Variants in DYSF observed in about 807,000 individuals in gnomAD.
DYSF encodes dystrophy-associated fer-1-like 1.
Under a neutral mutation model 274.9 loss-of-function variants are expected in DYSF, and 212 were observed. That is an observed-to-expected ratio of 0.77 (90% confidence interval 0.69 to 0.86). The LOEUF is 0.86. Ranked by LOEUF, DYSF falls within the 40% of genes least tolerant of loss-of-function variation. DYSF has a pLI of 0.00. For synonymous variants in DYSF, 1,091 were observed against 1,078.7 expected (o/e 1.01, Z -0.22); for missense variants, 2,666 against 2,783.2 (o/e 0.96, Z 0.95).
chr2:71,665,052 A>T (rs2094970090), intron 46 of DYSF, 110 bp from the exon 47 acceptor site: 1 of 1,563,736 alleles, frequency 6.4e-7, no homozygotes, highest in African/African-American at 1.4e-5. Flanking sequence ...CCACTGTAAA[A>T]GCAAGGAGTG....
chr2:71,519,039 G>C (rs2086947198), intron 10 of DYSF, among the ~76,000 whole-genome samples: 1 of 127,808 alleles, frequency 7.8e-6, no homozygotes, highest in African/African-American at 3.0e-5. Flanking sequence ...GTTGCAGTGA[G>C]CCAAGATCGC....
chr2:71,590,201 C>G lies in DYSF; in HGVS notation c.3497-10C>G, dbSNP rs1399992374. ...TCACTCTGGCACCTCTGTTTTTTCC[C>G]TTGGTGAAGATGGGAACCGCTACCA... On this transcript the variant is annotated splice_polypyrimidine_tract_variant and intron_variant, in intron 31 of 55. Coordinates refer to ENST00000410020, the MANE Select transcript of DYSF (RefSeq NM_001130987.2). 1.9e-6 allele frequency: 3 copies of G among 1,614,080 alleles called. No individual in the cohort carries two copies. In the East Asian group the frequency reaches 6.7e-5, roughly 36 times the overall value.
At chr2:71,644,332 T>C (rs1026609001) in intron 42 of DYSF, among the ~76,000 whole-genome samples, 1 of 152,174 alleles carries the variant, frequency 6.6e-6, no homozygotes, top group African/African-American at 2.4e-5. Flanking sequence ...TGATCTGTGT[T>C]AACGTGCCCC....
chr2:71,636,389 A>G (rs145877009), intron 41 of DYSF, among the ~76,000 whole-genome samples: 141 of 152,194 alleles, frequency 9.3e-4, no homozygotes, highest in African/African-American at 3.3e-3. Context: ...GGCGGTAGTG[A>G]CAGAGTGGTC....
intron 17 of DYSF, among the ~76,000 whole-genome samples, chr2:71,541,531 G>C (rs976255411): frequency 6.6e-6 from 1 of 151,574 alleles, no homozygotes; most frequent in Non-Finnish European, 1.5e-5. Flanking sequence ...TGATTAGCTG[G>C]TTAGAAGTTT....
intron 24 of DYSF, among the ~76,000 whole-genome samples, chr2:71,565,266 A>ATTTTTTTTTTTTTTTTTTTTTT (rs1236133814): frequency 6.2e-5 from 7 of 113,808 alleles, no homozygotes; most frequent in African/African-American, 2.5e-4. Context: ...TTTTTTTTTA[A>ATTTTTTTTTTTTTTTTTTTTTT]TTTTAGTGGA....
chr2:71,572,559 G>C (rs1574086484), intron 29 of DYSF, among the ~76,000 whole-genome samples: 2 of 152,264 alleles, frequency 1.3e-5, no homozygotes, highest in East Asian at 3.8e-4. Context: ...TCGGGAGTGT[G>C]AGGAGCAAGG....
At chr2:71,607,116 A>C (rs1328407168) in intron 36 of DYSF, among the ~76,000 whole-genome samples, 1 of 152,244 alleles carries the variant, frequency 6.6e-6, no homozygotes, top group Non-Finnish European at 1.5e-5. Flanking sequence ...TATGGGAATA[A>C]GTGTAAGTTG....
intron 48 of DYSF, 79 bp from the exon 49 acceptor site, chr2:71,668,675 G>A (rs1645726392): frequency 1.4e-6 from 2 of 1,386,292 alleles, no homozygotes; most frequent in Non-Finnish European, 2.0e-6. Flanking sequence ...TGTGCCCTCA[G>A]CATCTGGCCC....
At chr2:71,520,046 C>G in intron 10 of DYSF, 132 bp from the exon 11 acceptor site, 1 of 994,104 alleles carries the variant, frequency 1.0e-6, no homozygotes, top group Admixed American at 1.7e-5. Context: ...CATGTAGTAT[C>G]AAATGTTGAC....
At chr2:71,665,337 G>A (rs2094977220) in intron 47 of DYSF, 33 bp downstream of exon 47, 2 of 1,613,748 alleles carry the variant, frequency 1.2e-6, no homozygotes, top group East Asian at 4.5e-5. Context: ...ACCATGGTGG[G>A]CTCTCGCTGT....
chr2:71,467,454 A>G (rs2081613757), intron 1 of DYSF, among the ~76,000 whole-genome samples: 1 of 152,238 alleles, frequency 6.6e-6, no homozygotes, highest in Admixed American at 6.5e-5. Context: ...CCTTGACACA[A>G]GGAGTTTTGA....
intron 9 of DYSF, 59 bp from the exon 10 acceptor site, chr2:71,516,930 T>C: frequency 1.3e-6 from 2 of 1,511,154 alleles, no homozygotes; most frequent in Non-Finnish European, 1.8e-6. Flanking sequence ...AGCTATTGGG[T>C]TGGCCGTGTG....
chr2:71,625,962 A>G (rs989850152), intron 41 of DYSF, among the ~76,000 whole-genome samples: 7 of 152,060 alleles, frequency 4.6e-5, no homozygotes, highest in Non-Finnish European at 1.0e-4. Flanking sequence ...GCTTGTATAT[A>G]AATGAAATCG....
chr2:71,617,854 G>GT (rs1483723993), intron 40 of DYSF, among the ~76,000 whole-genome samples: 1 of 109,532 alleles, frequency 9.1e-6, no homozygotes, highest in Non-Finnish European at 1.9e-5. Flanking sequence ...GGTAGAGATG[G>GT]GGTGTGTGTG....
At position 71,527,106 on chromosome 2, in the gene DYSF, G is replaced by A. The variant is rs75374586; in HGVS notation, c.1276+760G>A. On this transcript the variant is annotated intron_variant, in intron 13 of 55. Transcript: ENST00000410020. ...AGAATTCCCTGGGAAGATTCAAAAC[G>A]GTCCAAATGCCGGGGCCCCACCTCC... is the stretch of plus-strand genomic sequence containing the variant. Among the ~76,000 whole-genome samples the A allele has an allele frequency of 9.4e-3, 1,425 of 152,266 alleles. 25 individuals carry two copies. The highest frequency in any genetic ancestry group is 0.033 in the African/African-American group (1,353 of 41,544).
intron 30 of DYSF, among the ~76,000 whole-genome samples, chr2:71,580,812 A>G (rs2092870048): frequency 6.6e-6 from 1 of 152,126 alleles, no homozygotes; most frequent in Non-Finnish European, 1.5e-5. Context: ...AAATGCGTGG[A>G]CCCTGCATCT....
At chr2:71,551,188 A>T in intron 18 of DYSF, 32 bp downstream of exon 18, 1 of 1,606,408 alleles carries the variant, frequency 6.2e-7, no homozygotes, top group Non-Finnish European at 8.5e-7. Flanking sequence ...CAAGGGCAGG[A>T]TGCCAGATGC....
At chr2:71,490,309 A>G (rs2083732272) in intron 3 of DYSF, among the ~76,000 whole-genome samples, 1 of 152,250 alleles carries the variant, frequency 6.6e-6, no homozygotes, top group African/African-American at 2.4e-5. Context: ...TCTTTTCTCC[A>G]GAGGTGCCCA....
Sources: gnomAD v4.1 joint callset for allele counts (sites outside exome capture counted in the v4.1 genomes callset) on GRCh38, gnomAD v4.1.1 for gene constraint, MANE v1.5 for transcripts, NCBI Gene and HGNC (gene_info 2026-07-23, HGNC 2026-07-21) for gene names.